The following NRXN3 variants were observed in gnomAD, a reference collection of about 807,000 sequenced individuals.
The protein encoded by NRXN3 is neurexin III.
A neutral mutation model predicts 137.6 loss-of-function variants in NRXN3; 32 were observed. That is an observed-to-expected ratio of 0.23 (90% confidence interval 0.18 to 0.31). NRXN3 has a LOEUF of 0.31. NRXN3 is among the 10% of genes least tolerant of loss of function. The pLI is 1.00. For missense variants in NRXN3, 1,574 were observed against 2,062.5 expected (o/e 0.76, Z 4.59); for synonymous variants, 798 against 784.5 (o/e 1.02, Z -0.29).
intron 16 of NRXN3, among the ~76,000 whole-genome samples, chr14:79,652,731 C>A (rs1260621734): frequency 6.6e-6 from 1 of 152,030 alleles, no homozygotes; most frequent in Non-Finnish European, 1.5e-5. Context: ...TTCATCAGGA[C>A]TGAGGGAAAG....
chr14:79,464,610 TG>T (rs2096397849), intron 15 of NRXN3, among the ~76,000 whole-genome samples: 1 of 152,164 alleles, frequency 6.6e-6, no homozygotes, highest in African/African-American at 2.4e-5. Context: ...ATGCCAAATT[TG>T]GGGGCTGTGA....
chr14:79,165,904 C>A (rs570766435), intron 15 of NRXN3, among the ~76,000 whole-genome samples: 1 of 151,994 alleles, frequency 6.6e-6, no homozygotes. Flanking sequence ...CCAGGTCTCA[C>A]AACACCACGA....
chr14:79,258,470 G>GTTGAGA (rs2077096867), intron 15 of NRXN3, among the ~76,000 whole-genome samples: 2 of 152,128 alleles, frequency 1.3e-5, no homozygotes, highest in South Asian at 4.2e-4. Context: ...CTCCCAAAGT[G>GTTGAGA]TTGAGATTAC....
intron 4 of NRXN3, among the ~76,000 whole-genome samples, chr14:78,515,437 G>A (rs1210383896): frequency 2.0e-5 from 3 of 152,130 alleles, no homozygotes; most frequent in Non-Finnish European, 2.9e-5. Context: ...CAGAGCTAGG[G>A]AATAGACAGC....
chr14:78,822,270 T>C (rs1437875856), intron 10 of NRXN3, among the ~76,000 whole-genome samples: 3 of 152,198 alleles, frequency 2.0e-5, no homozygotes, highest in Non-Finnish European at 4.4e-5. Flanking sequence ...AACAATAGCA[T>C]TGAGTGATTT....
intron 4 of NRXN3, among the ~76,000 whole-genome samples, chr14:78,471,528 T>C (rs983352713): frequency 2.6e-5 from 4 of 152,180 alleles, no homozygotes; most frequent in African/African-American, 9.6e-5. Flanking sequence ...CTCTCCTTCA[T>C]TTACTTACTG....
At chr14:78,448,131 A>G (rs1458916167) in intron 4 of NRXN3, among the ~76,000 whole-genome samples, 1 of 152,178 alleles carries the variant, frequency 6.6e-6, no homozygotes, top group Non-Finnish European at 1.5e-5. Flanking sequence ...TTTCCTTTCT[A>G]GAACTCCTAG....
rs559506058 is a variant in NRXN3 at position 78,876,959 on chromosome 14, T to C, written c.2275+66615T>C. ...CACTAGAGCCTAGCAAATCATTGTT[T>C]TCTACTGGTCTACTATTTGTGGATA... On this transcript the variant is annotated intron_variant, in intron 10 of 20. Coordinates refer to ENST00000335750, the MANE Select transcript of NRXN3 (RefSeq NM_001330195.2). Among the ~76,000 whole-genome samples, 72 of 152,322 alleles carry C rather than the reference T, an allele frequency of 4.7e-4. 1 individual carries two copies. In the South Asian group the frequency reaches 0.014, roughly 31 times the overall value.
At chr14:78,920,343 A>C (rs952964567) in intron 10 of NRXN3, among the ~76,000 whole-genome samples, 1 of 152,234 alleles carries the variant, frequency 6.6e-6, no homozygotes, top group Non-Finnish European at 1.5e-5. Context: ...AAAAGTGGGA[A>C]GTGAAATCTT....
chr14:79,467,439 A>G lies in NRXN3; in HGVS notation c.3444+37A>G, dbSNP rs1162850730. 4 of 1,539,258 alleles carry G rather than the reference A, an allele frequency of 2.6e-6. No individual in the cohort carries two copies. In the South Asian group the frequency reaches 4.8e-5, roughly 19 times the overall value. ...GCCTTGGCCTGGATTTTCTTATGTT[A>G]CTGGTGGTCTGAGTTAGTGATTCAG... On this transcript the variant is annotated intron_variant, in intron 16 of 20. Coordinates refer to ENST00000335750, the MANE Select transcript of NRXN3 (RefSeq NM_001330195.2).
intron 6 of NRXN3, among the ~76,000 whole-genome samples, chr14:78,701,636 G>A (rs1022155410): frequency 6.6e-6 from 1 of 152,174 alleles, no homozygotes; most frequent in Admixed American, 6.5e-5. Flanking sequence ...GATCAGAGAT[G>A]GTGGCCCCAT....
intron 15 of NRXN3, among the ~76,000 whole-genome samples, chr14:79,284,045 T>C (rs2081751142): frequency 6.6e-6 from 1 of 152,078 alleles, no homozygotes; most frequent in Non-Finnish European, 1.5e-5. Flanking sequence ...TTTCCATATG[T>C]AAATATCATT....
intron 15 of NRXN3, among the ~76,000 whole-genome samples, chr14:79,115,312 C>A (rs545055467): frequency 2.5e-4 from 29 of 118,262 alleles, no homozygotes; most frequent in Middle Eastern, 5.9e-3. Flanking sequence ...GCAAGAAGAA[C>A]GAAACTCTGT....
At chr14:79,435,272 G>A in intron 15 of NRXN3, among the ~76,000 whole-genome samples, 1 of 150,048 alleles carries the variant, frequency 6.7e-6, no homozygotes. Flanking sequence ...CAAAGTCAGG[G>A]CAAAAGAAAG....
intron 8 of NRXN3, among the ~76,000 whole-genome samples, chr14:78,729,381 C>CT (rs1249655459): frequency 3.9e-5 from 6 of 152,110 alleles, no homozygotes; most frequent in Admixed American, 6.5e-5. Flanking sequence ...AATGAGATGG[C>CT]TTTTTTTGTT....
In NRXN3 at chr14:78,736,291, A is replaced by G. The variant is rs577289637; in HGVS notation, c.2044+21152A>G. The stretch of plus-strand genomic sequence containing the variant: ...GTTAAAAGGCAAGATGGTGTGATGG[A>G]TAGACTGTAGGTTTTGGTGGCAGGC... On this transcript the variant is annotated intron_variant, in intron 8 of 20. Coordinates refer to ENST00000335750, the MANE Select transcript of NRXN3 (RefSeq NM_001330195.2). 2.0e-5 allele frequency among the ~76,000 whole-genome samples: 3 copies of G among 152,296 alleles called. No individual in the cohort carries two copies. The South Asian group carries it at 6.2e-4, about 32-fold the overall frequency.
chr14:79,444,910 G>A (rs1196036822), intron 15 of NRXN3, among the ~76,000 whole-genome samples: 1 of 152,140 alleles, frequency 6.6e-6, no homozygotes, highest in Non-Finnish European at 1.5e-5. Flanking sequence ...TGAGAAATAA[G>A]CCTTGTTCTA....
chr14:79,022,841 G>T (rs1374953668), intron 15 of NRXN3, among the ~76,000 whole-genome samples: 1 of 152,124 alleles, frequency 6.6e-6, no homozygotes, highest in Non-Finnish European at 1.5e-5. Context: ...GTCTTCATTA[G>T]CCTTAATCAG....
chr14:78,965,962 T>A, intron 11 of NRXN3, 63 bp from the exon 12 acceptor site: 2 of 1,549,538 alleles, frequency 1.3e-6, no homozygotes, highest in South Asian at 2.5e-5. Flanking sequence ...AAAAATATAC[T>A]TGAGGGTGCT....
Sources: gnomAD v4.1 joint callset for allele counts (sites outside exome capture counted in the v4.1 genomes callset) on GRCh38, gnomAD v4.1.1 for gene constraint, MANE v1.5 for transcripts, NCBI Gene and HGNC (gene_info 2026-07-23, HGNC 2026-07-21) for gene names.